Variants in MAGI2 observed in about 807,000 individuals in gnomAD.
MAGI2 encodes the protein membrane associated guanylate kinase, WW and PDZ domain containing 2.
MAGI2 carries 35 observed loss-of-function variants against 133.3 expected under a neutral mutation model. The ratio of observed to expected loss-of-function variants is 0.26; its 90% CI spans 0.20 to 0.35. MAGI2 has a LOEUF of 0.35. MAGI2 is among the 10% of genes least tolerant of loss of function. The pLI is 1.00. For missense variants in MAGI2, 1,636 were observed against 1,863.4 expected (o/e 0.88, Z 2.25); for synonymous variants, 729 against 710.6 (o/e 1.03, Z -0.41).
At chr7:78,437,864 GAATATA>G (rs1208463061) in intron 6 of MAGI2, among the ~76,000 whole-genome samples, 1 of 152,080 alleles carries the variant, frequency 6.6e-6, no homozygotes, top group Non-Finnish European at 1.5e-5. Context: ...ATAACCTTTA[GAATATA>G]AATATAAGCT....
intron 1 of MAGI2, among the ~76,000 whole-genome samples, chr7:79,148,433 G>T (rs953546745): frequency 6.6e-6 from 1 of 152,130 alleles, no homozygotes; most frequent in Non-Finnish European, 1.5e-5. Flanking sequence ...TCCCCTGAAG[G>T]GTGAAATTAC....
rs184918091 is a variant in MAGI2 at position 79,035,770 on chromosome 7, A to G, written c.302-28564T>C. ...ATATAGAATTTCTGATTCAATCTAG[A>G]CTCATGGAGAGCACTTTGTTACTTT... On this transcript the variant is annotated intron_variant, in intron 1 of 21. Transcript: ENST00000354212. Among the ~76,000 whole-genome samples the G allele has an allele frequency of 4.6e-5, 7 of 152,314 alleles. No homozygotes were observed. In the East Asian group the frequency reaches 1.3e-3, roughly 29 times the overall value.
In MAGI2 at chr7:78,574,929, GA is replaced by G. The variant is rs1802111166; in HGVS notation, c.538+52190del. The stretch of plus-strand genomic sequence containing the variant: ...AGTGTTATCTTTAGAAAATATTCAA[GA>G]CCATGCTTAAATTCCACTTTCTCTA... On this transcript the variant is annotated intron_variant, in intron 3 of 21. Transcript: ENST00000354212. Among the ~76,000 whole-genome samples, 3 of 152,254 alleles carry G rather than the reference GA, an allele frequency of 2.0e-5. No homozygotes were observed. The South Asian group carries it at 6.2e-4, about 32-fold the overall frequency.
chr7:78,184,307 C>A, intron 13 of MAGI2: 1 of 152,166 alleles, frequency 6.6e-6, no homozygotes, highest in East Asian at 1.9e-4. Context: ...GAGGAATAAT[C>A]ATGCTGTAAA....
Position 78,927,926 on chromosome 7 carries a change from T to C in MAGI2, c.418+79164A>G, listed in dbSNP as rs1799836638. On this transcript the variant is annotated intron_variant, in intron 2 of 21. Transcript: ENST00000354212. ...TATAGCCCCCTGGTGGCTTATGCTATCCCTAAGGTGCCATATGCTAAAATT... is the reference window on the plus strand; with the variant it reads ...TATAGCCCCCTGGTGGCTTATGCTACCCCTAAGGTGCCATATGCTAAAATT... Among the ~76,000 whole-genome samples, 5 of 151,884 alleles carry C rather than the reference T, an allele frequency of 3.3e-5. No individual in the cohort carries two copies. The South Asian group carries it at 1.0e-3, about 32-fold the overall frequency.
intron 15 of MAGI2, among the ~76,000 whole-genome samples, chr7:78,167,393 C>T (rs1825718811): frequency 6.6e-6 from 1 of 152,154 alleles, no homozygotes; most frequent in Admixed American, 6.5e-5. Flanking sequence ...TCCAATTTAT[C>T]TGTTACATAA....
At chr7:79,304,205 G>GTGTC (rs1554438930) in intron 1 of MAGI2, among the ~76,000 whole-genome samples, 1 of 145,338 alleles carries the variant, frequency 6.9e-6, no homozygotes, top group African/African-American at 2.6e-5. Flanking sequence ...GTGTGTGTCT[G>GTGTC]TGTGTGTGTG....
At chr7:78,621,503 G>A (rs1201320968) in intron 3 of MAGI2, among the ~76,000 whole-genome samples, 1 of 151,992 alleles carries the variant, frequency 6.6e-6, no homozygotes, top group Admixed American at 6.6e-5. Context: ...AACACCTGAT[G>A]GTTACTATCA....
At chr7:79,001,935 T>C (rs1320869561) in intron 2 of MAGI2, among the ~76,000 whole-genome samples, 1 of 152,156 alleles carries the variant, frequency 6.6e-6, no homozygotes, top group Non-Finnish European at 1.5e-5. Context: ...GTGATGGATG[T>C]TCTAAACTCT....
chr7:79,394,145 C>T (rs1234724330), intron 1 of MAGI2, among the ~76,000 whole-genome samples: 1 of 152,138 alleles, frequency 6.6e-6, no homozygotes, highest in African/African-American at 2.4e-5. Flanking sequence ...TCACCTGGTT[C>T]TATGCAGACT....
intron 1 of MAGI2, among the ~76,000 whole-genome samples, chr7:79,028,832 A>C (rs897918078): frequency 6.6e-6 from 1 of 152,154 alleles, no homozygotes; most frequent in African/African-American, 2.4e-5. Flanking sequence ...TTGGACTGAT[A>C]AGCTATTGTC....
chr7:78,061,528 T>C (rs1020289825), intron 21 of MAGI2, among the ~76,000 whole-genome samples: 1 of 151,734 alleles, frequency 6.6e-6, no homozygotes, highest in African/African-American at 2.4e-5. Context: ...TAATAGGTGA[T>C]TCAAGAGGAG....
intron 1 of MAGI2, among the ~76,000 whole-genome samples, chr7:79,014,633 T>A (rs955558979): frequency 2.6e-5 from 4 of 152,128 alleles, no homozygotes; most frequent in African/African-American, 9.7e-5. Context: ...CAATCCATTT[T>A]TTTTAAAACT....
chr7:78,892,088 GACAA>G (rs920203057), intron 2 of MAGI2, among the ~76,000 whole-genome samples: 4 of 152,112 alleles, frequency 2.6e-5, no homozygotes, highest in African/African-American at 7.2e-5. Flanking sequence ...ACCAATAGCA[GACAA>G]ACAGAGAGCC....
intron 21 of MAGI2, among the ~76,000 whole-genome samples, chr7:78,038,266 C>T (rs747339281): frequency 6.6e-6 from 1 of 152,162 alleles, no homozygotes; most frequent in Non-Finnish European, 1.5e-5. Flanking sequence ...TCAGAGATCA[C>T]TCATTCCCCT....
intron 1 of MAGI2, among the ~76,000 whole-genome samples, chr7:79,104,404 C>G (rs906768043): frequency 2.0e-5 from 3 of 152,134 alleles, no homozygotes; most frequent in African/African-American, 7.2e-5. Flanking sequence ...CGCCGTGGCT[C>G]TTACCTGTAA....
chr7:78,788,243 G>C (rs1405279094), intron 2 of MAGI2, among the ~76,000 whole-genome samples: 1 of 152,096 alleles, frequency 6.6e-6, no homozygotes, highest in Non-Finnish European at 1.5e-5. Flanking sequence ...GTATGTATGT[G>C]GGACAATCTT....
rs1056647235 is a variant in MAGI2, at chr7:78,801,939, G to A, written c.419-174700C>T. On this transcript the variant is annotated intron_variant, in intron 2 of 21. Transcript: ENST00000354212. The stretch of plus-strand genomic sequence containing the variant: ...TACACCAAATACTATGAAATGCACC[G>A]AGGAAACACTGAGGTGAGCAGAGAA... 9.9e-5 allele frequency among the ~76,000 whole-genome samples: 15 copies of A among 152,048 alleles called. No individual in the cohort carries two copies. In the South Asian group the frequency reaches 1.2e-3, roughly 13 times the overall value.
chr7:78,969,914 C>A (rs1803647806), intron 2 of MAGI2, among the ~76,000 whole-genome samples: 1 of 151,780 alleles, frequency 6.6e-6, no homozygotes, highest in South Asian at 2.1e-4. Context: ...GTATGAATAC[C>A]AATATCCTCA....
Sources: gnomAD v4.1 joint callset for allele counts (sites outside exome capture counted in the v4.1 genomes callset) on GRCh38, gnomAD v4.1.1 for gene constraint, MANE v1.5 for transcripts, NCBI Gene and HGNC (gene_info 2026-07-23, HGNC 2026-07-21) for gene names.